DMXL1: variants seen among roughly 807,000 people sequenced by gnomAD.
The protein encoded by DMXL1 is dmX-like protein 1.
In DMXL1, 99 loss-of-function variants were observed where a neutral mutation model predicts 319.2. That is an observed-to-expected ratio of 0.31 (90% CI 0.26 to 0.37). The LOEUF is 0.37. Among genes scored for constraint, DMXL1 ranks in the 10% least tolerant of loss-of-function variants. The probability of loss-of-function intolerance (pLI) is 1.00; values close to 1 mark genes in which losing one functional copy is unlikely to be tolerated. For missense variants in DMXL1, 3,745 were observed against 3,595.6 expected, an observed-to-expected ratio of 1.04 and a Z score of -1.06; for synonymous variants, 1,385 against 1,235.2, an observed-to-expected ratio of 1.12 and a Z score of -2.54.
At chr5:119,144,505 T>G in intron 14 of DMXL1, 31 bp from the exon 15 acceptor site, 1 of 1,476,110 alleles carries the variant, frequency 6.8e-7, no homozygotes, top group Non-Finnish European at 9.3e-7. Flanking sequence ...AACACATAGG[T>G]CAACTTACGT....
rs779546861 is a variant in DMXL1, at chr5:119,133,801, G to C, written c.1877G>C (p.Ser626Thr). 2 of 1,614,102 alleles carry C rather than the reference G, an allele frequency of 1.2e-6. No homozygotes were observed. Among genetic ancestry groups the C allele is most frequent in the Admixed American group, 3.3e-5 (2 of 60,004 alleles). ...GAATCTGCTTTTTCTACTGTTCTCA[G>C]TATTTCCCACAAATCCAGATATTGT... ...AEESAFSTVL[S>T]ISHKSRYCGH... Residue 626 changes from serine to threonine, a missense_variant, in exon 12 of 44, where the codon AGT (serine) becomes ACT (threonine). This residue lies in a region of DMXL1 where 2,096 missense variants were observed against 1,985.4 expected (regional missense o/e 1.06). Transcript: ENST00000539542.
intron 1 of DMXL1, among the ~76,000 whole-genome samples, chr5:119,078,502 G>T (rs1172184380): frequency 1.7e-4 from 26 of 152,140 alleles, no homozygotes. Context: ...ACAGGCTGGA[G>T]TGCAGTTGTG....
chr5:119,187,397 G>A (rs1777928640), intron 28 of DMXL1, among the ~76,000 whole-genome samples: 1 of 152,148 alleles, frequency 6.6e-6, no homozygotes, highest in South Asian at 2.1e-4. Flanking sequence ...TGAACACCCA[G>A]CAGCTATAGT....
chr5:119,110,851 G>C (rs1173445486), intron 5 of DMXL1, among the ~76,000 whole-genome samples: 1 of 152,184 alleles, frequency 6.6e-6, no homozygotes, highest in African/African-American at 2.4e-5. Flanking sequence ...GGAGTGCAAT[G>C]ATGTGAGGCT....
chr5:119,098,551 T>C (rs950600063), intron 2 of DMXL1, among the ~76,000 whole-genome samples: 2 of 152,170 alleles, frequency 1.3e-5, no homozygotes, highest in African/African-American at 2.4e-5. Context: ...TTTGAGAGTT[T>C]ATAATATTCT....
intron 1 of DMXL1, among the ~76,000 whole-genome samples, chr5:119,088,517 T>A (rs2149725385): frequency 6.6e-6 from 1 of 152,360 alleles, no homozygotes; most frequent in Non-Finnish European, 1.5e-5. Flanking sequence ...AAGTAAGGAT[T>A]TACTACTAGC....
chr5:119,203,322 C>T lies in DMXL1; in HGVS notation c.7749C>T (p.Ser2583=). 1 of 1,569,922 alleles carries T rather than the reference C, an allele frequency of 6.4e-7. No individual in the cohort carries two copies. The highest frequency in any genetic ancestry group is 2.0e-5 in the Admixed American group (1 of 49,606). ...AATTTGCTGTCTCTCTCTGTAGATC[C>T]AAACACCATCTGGCACTGTCTGTGA... The part of the protein sequence containing the change: ...LLEPTNTPFK[S]KHHLALSVKR... The change falls in exon 33 of 44, where the codon TCC becomes TCT. Residue 2583 remains serine (S), a synonymous_variant. Coordinates refer to ENST00000539542, the MANE Select transcript of DMXL1 (RefSeq NM_001290321.3).
At chr5:119,120,037 C>T (rs1348769743) in intron 8 of DMXL1, among the ~76,000 whole-genome samples, 3 of 151,868 alleles carry the variant, frequency 2.0e-5, no homozygotes, top group African/African-American at 4.8e-5. Context: ...TGTGCCACCA[C>T]GCCTGGCTAA....
chr5:119,093,034 C>T (rs1179444980), intron 1 of DMXL1, among the ~76,000 whole-genome samples: 3 of 152,038 alleles, frequency 2.0e-5, no homozygotes, highest in Admixed American at 2.0e-4. Flanking sequence ...TGCTCTTTCC[C>T]TTATTGCACT....
intron 30 of DMXL1, among the ~76,000 whole-genome samples, chr5:119,195,179 C>T (rs1002934663): frequency 6.6e-5 from 10 of 152,062 alleles, no homozygotes; most frequent in Non-Finnish European, 1.2e-4. Context: ...CTGTGGAAAA[C>T]GGTATACTGG....
At chr5:119,096,414 G>C (rs1755982608) in intron 1 of DMXL1, among the ~76,000 whole-genome samples, 1 of 152,140 alleles carries the variant, frequency 6.6e-6, no homozygotes, top group African/African-American at 2.4e-5. Context: ...GACCTCAGGT[G>C]ATCCGCCTGC....
chr5:119,082,691 C>G (rs1752503688), intron 1 of DMXL1, among the ~76,000 whole-genome samples: 1 of 152,192 alleles, frequency 6.6e-6, no homozygotes, highest in Admixed American at 6.5e-5. Flanking sequence ...TTGGCATATC[C>G]AGCACCTTAA....
chr5:119,075,665 C>T (rs914587614), intron 1 of DMXL1, among the ~76,000 whole-genome samples: 3 of 152,054 alleles, frequency 2.0e-5, no homozygotes, highest in African/African-American at 7.2e-5. Flanking sequence ...ATGCTTCCTT[C>T]ATGCCTTTTT....
intron 1 of DMXL1, among the ~76,000 whole-genome samples, chr5:119,073,790 C>CT (rs1255911863): frequency 6.6e-6 from 1 of 152,176 alleles, no homozygotes; most frequent in Non-Finnish European, 1.5e-5. Flanking sequence ...ATCCTTGACT[C>CT]TTTAAGTTGC....
intron 33 of DMXL1, chr5:119,206,536 G>A (rs527650209): frequency 5.6e-5 from 11 of 195,784 alleles, no homozygotes; most frequent in African/African-American, 2.3e-4. Flanking sequence ...AAAGTATTTT[G>A]GTTTCAATCG....
At chr5:119,168,800 C>T (rs557990219) in intron 23 of DMXL1, among the ~76,000 whole-genome samples, 2 of 152,226 alleles carry the variant, frequency 1.3e-5, no homozygotes, top group Non-Finnish European at 2.9e-5. Flanking sequence ...GCTGTCCTCC[C>T]ACCTCAGCCT....
rs1305278865 is a variant in DMXL1, at chr5:119,170,398, C to A, written c.5607C>A (p.Gly1869=). ...CTGCCAGTGCTCATTTAAAAGCTGGCTGCCCAATGTTGGCTTTGGAAGTAT... is the reference window on the plus strand; with the variant it reads ...CTGCCAGTGCTCATTTAAAAGCTGGATGCCCAATGTTGGCTTTGGAAGTAT... The part of the protein sequence containing the change: ...FTTASAHLKA[G]CPMLALEVLS... Residue 1869 remains glycine, a synonymous_variant, in exon 24 of 44, where the codon GGC becomes GGA. Transcript: ENST00000539542. The A allele has an allele frequency of 6.8e-6, 11 of 1,613,842 alleles. No homozygotes were observed. The highest frequency in any genetic ancestry group is 1.3e-5 in the African/African-American group (1 of 74,902).
chr5:119,173,668 A>ATGTGTGTGTGTGTGTGTGTGTGTGTGTG (rs1461681311), intron 25 of DMXL1, among the ~76,000 whole-genome samples: 2 of 100,466 alleles, frequency 2.0e-5, no homozygotes, highest in African/African-American at 6.1e-5. Flanking sequence ...AATCAGTAGG[A>ATGTGTGTGTGTGTGTGTGTGTGTGTGTG]TGTATGTGTG....
At chr5:119,177,625 T>C in intron 27 of DMXL1, 141 bp downstream of exon 27, 1 of 640,038 alleles carries the variant, frequency 1.6e-6, no homozygotes. Flanking sequence ...CACCACTCAT[T>C]CTGAATTACA....
Sources: allele counts gnomAD v4.1 joint callset (sites outside exome capture counted in the v4.1 genomes callset), GRCh38; gene constraint gnomAD v4.1.1; regional missense constraint gnomAD v4.1.1; transcripts MANE v1.5; gene names NCBI Gene and HGNC (gene_info 2026-07-23, HGNC 2026-07-21).